RBFOX1: variants seen among roughly 807,000 people sequenced by gnomAD.
The protein encoded by RBFOX1 is RNA binding fox-1 homolog 1, also known as RNA binding protein fox-1 homolog 1.
A neutral mutation model predicts 57.7 loss-of-function variants in RBFOX1; 8 were observed. That is an observed-to-expected ratio of 0.14 (90% CI 0.08 to 0.25). The LOEUF (loss-of-function observed/expected upper bound fraction) is 0.25, where lower values mean the gene tolerates loss of function less well. Ranked by LOEUF, RBFOX1 falls within the 10% of genes least tolerant of loss-of-function variation. The probability of loss-of-function intolerance (pLI) is 1.00; values close to 1 mark genes in which losing one functional copy is unlikely to be tolerated. For synonymous variants in RBFOX1, 326 were observed against 222.4 expected, an observed-to-expected ratio of 1.47 and a Z score of -4.15; for missense variants, 611 against 548.5, an observed-to-expected ratio of 1.11 and a Z score of -1.14.
intron 3 of RBFOX1, among the ~76,000 whole-genome samples, chr16:6,760,112 G>A (rs1410321478): frequency 6.6e-6 from 1 of 152,036 alleles, no homozygotes. Flanking sequence ...AAAGATAAAA[G>A]GAAGGTAGAA....
intron 1 of RBFOX1, among the ~76,000 whole-genome samples, chr16:5,265,631 G>A (rs1251281381): frequency 6.6e-6 from 1 of 152,216 alleles, no homozygotes; most frequent in Non-Finnish European, 1.5e-5. Context: ...AGATGCAGAA[G>A]TGTTTGTTTT....
chr16:6,613,823 A>C (rs1228053354), intron 2 of RBFOX1, among the ~76,000 whole-genome samples: 1 of 152,226 alleles, frequency 6.6e-6, no homozygotes, highest in Non-Finnish European at 1.5e-5. Context: ...CTGTAATCCC[A>C]GCTACCTGGG....
chr16:7,073,451 A>G (rs1323485649), intron 4 of RBFOX1, among the ~76,000 whole-genome samples: 1 of 152,132 alleles, frequency 6.6e-6, no homozygotes, highest in African/African-American at 2.4e-5. Flanking sequence ...AAACTCAACC[A>G]CCATTTAAAG....
intron 14 of RBFOX1, among the ~76,000 whole-genome samples, chr16:7,695,953 C>G (rs370097527): frequency 6.6e-6 from 1 of 152,186 alleles, no homozygotes; most frequent in South Asian, 2.1e-4. Context: ...AGGCAGCCAT[C>G]AGGGGCTTCG....
intron 3 of RBFOX1, among the ~76,000 whole-genome samples, chr16:7,009,784 C>A (rs1389829314): frequency 1.3e-5 from 2 of 152,180 alleles, no homozygotes; most frequent in African/African-American, 2.4e-5. Context: ...AGCTCTGTAA[C>A]CTGCTTGCCT....
chr16:6,824,109 G>T (rs924384740), intron 3 of RBFOX1, among the ~76,000 whole-genome samples: 1 of 152,214 alleles, frequency 6.6e-6, no homozygotes, highest in South Asian at 2.1e-4. Context: ...TTTCCAGAAT[G>T]TAAATAGTTA....
chr16:7,388,818 C>G (rs8057323), intron 4 of RBFOX1, among the ~76,000 whole-genome samples: 99,776 of 151,758 alleles, frequency 0.66, 32,978 homozygotes, highest in East Asian at 0.83. Context: ...TTTTGAGCTT[C>G]TTTAAGGTAG....
At chr16:6,466,067 A>G (rs933647744) in intron 2 of RBFOX1, among the ~76,000 whole-genome samples, 1 of 151,990 alleles carries the variant, frequency 6.6e-6, no homozygotes, top group Non-Finnish European at 1.5e-5. Flanking sequence ...CATCTCTACT[A>G]AAAATATGAA....
chr16:6,117,284 CA>C lies in RBFOX1; in HGVS notation c.-127+97301del, dbSNP rs34255679. ...CATGTTTGGAAGTATGCTAAACGTA[CA>C]AAAAAAAATATGCATGACAATTACC... On this transcript the variant is annotated intron_variant, in intron 1 of 15. Transcript: ENST00000550418. Among the ~76,000 whole-genome samples, 1,330 of 150,742 alleles carry C rather than the reference CA, an allele frequency of 8.8e-3. 14 individuals carry two copies. The highest frequency in any genetic ancestry group is 0.043 in the East Asian group (222 of 5,146).
intron 1 of RBFOX1, among the ~76,000 whole-genome samples, chr16:5,392,516 T>C (rs916564143): frequency 2.7e-4 from 41 of 150,836 alleles, no homozygotes; most frequent in African/African-American, 9.7e-4. Flanking sequence ...TGTCTAATGA[T>C]ATATATATAT....
At chr16:6,218,673 A>G (rs2097351946) in intron 1 of RBFOX1, among the ~76,000 whole-genome samples, 1 of 152,162 alleles carries the variant, frequency 6.6e-6, no homozygotes, top group South Asian at 2.1e-4. Context: ...CCTAGTTCAC[A>G]ACACGCAGGA....
rs190571816 is a variant in RBFOX1 at position 6,904,286 on chromosome 16, G to A, written c.-15-147771G>A. Among the ~76,000 whole-genome samples the A allele has an allele frequency of 2.6e-5, 4 of 152,212 alleles. No individual in the cohort carries two copies. The South Asian group carries it at 6.2e-4, about 24-fold the overall frequency. On this transcript the variant is annotated intron_variant, in intron 3 of 15. Coordinates refer to ENST00000550418, the MANE Select transcript of RBFOX1 (RefSeq NM_018723.4). The stretch of plus-strand genomic sequence containing the variant: ...GTTGAACCTGTTCTCTGTGAGGCAC[G>A]AGTGGTAGGCTTATGAAACCCATCC...
intron 3 of RBFOX1, among the ~76,000 whole-genome samples, chr16:5,739,908 A>G (rs1321153562): frequency 6.6e-6 from 1 of 152,228 alleles, no homozygotes; most frequent in African/African-American, 2.4e-5. Flanking sequence ...AAATAATAAG[A>G]AAAATGAATG....
At chr16:5,588,540 G>A (rs1220520424) in intron 2 of RBFOX1, among the ~76,000 whole-genome samples, 2 of 152,102 alleles carry the variant, frequency 1.3e-5, no homozygotes, top group East Asian at 1.9e-4. Context: ...ATCTTCAGTG[G>A]CATCAGTGTT....
rs535590337 is a variant in RBFOX1 at position 6,641,375 on chromosome 16, T to C, written c.-63-13228T>C. 2.0e-5 allele frequency among the ~76,000 whole-genome samples: 3 copies of C among 152,280 alleles called. No individual in the cohort carries two copies. The South Asian group carries it at 6.2e-4, about 32-fold the overall frequency. ...ATCTGTCATTTTCTGGTGCTATTTA[T>C]AAATCCAAGGGAGCATTGCTGTTTT... On this transcript the variant is annotated intron_variant, in intron 2 of 15. Transcript: ENST00000550418.
intron 3 of RBFOX1, among the ~76,000 whole-genome samples, chr16:6,720,136 T>A (rs2065686121): frequency 6.6e-6 from 1 of 152,164 alleles, no homozygotes; most frequent in Admixed American, 6.5e-5. Flanking sequence ...AAAATGTTAG[T>A]AAAGTGCATG....
chr16:6,601,731 G>C (rs550933058), intron 2 of RBFOX1, among the ~76,000 whole-genome samples: 2 of 152,114 alleles, frequency 1.3e-5, no homozygotes, highest in South Asian at 4.1e-4. Context: ...GGGTATATTT[G>C]TTGAGGTCAA....
chr16:6,391,049 C>T (rs923852567), intron 2 of RBFOX1, among the ~76,000 whole-genome samples: 3 of 152,128 alleles, frequency 2.0e-5, no homozygotes, highest in Non-Finnish European at 4.4e-5. Flanking sequence ...ACCTCGCACT[C>T]CTCCAGTTGT....
intron 4 of RBFOX1, among the ~76,000 whole-genome samples, chr16:7,282,707 T>G (rs9934156): frequency 3.0e-4 from 46 of 152,290 alleles, no homozygotes; most frequent in African/African-American, 1.0e-3. Flanking sequence ...GCACCCAGTT[T>G]GTAGGCTTTT....
Sources: gnomAD v4.1 joint callset for allele counts (sites outside exome capture counted in the v4.1 genomes callset) on GRCh38, gnomAD v4.1.1 for gene constraint, MANE v1.5 for transcripts, NCBI Gene and HGNC (gene_info 2026-07-23, HGNC 2026-07-21) for gene names.